The following RALYL variants were observed in gnomAD, a reference collection of about 807,000 sequenced individuals.
RALYL encodes RALY RNA binding protein like, also known as RNA-binding Raly-like protein.
In RALYL, 29 loss-of-function variants were observed where a neutral mutation model predicts 35.1. The ratio of observed to expected loss-of-function variants is 0.83; its 90% CI spans 0.61 to 1.13. The LOEUF (loss-of-function observed/expected upper bound fraction) is 1.13, where lower values mean the gene tolerates loss of function less well. RALYL is among the 50% of genes most tolerant of loss of function. The pLI is 0.00. For missense variants in RALYL, 359 were observed against 360.4 expected (o/e 1.00, Z 0.03); for synonymous variants, 120 against 127.6 (o/e 0.94, Z 0.40).
At chr8:84,514,090 TAAAA>T (rs57881021) in intron 1 of RALYL, among the ~76,000 whole-genome samples, 40 of 41,172 alleles carry the variant, frequency 9.7e-4, no homozygotes, top group South Asian at 5.5e-3. Context: ...AGATTTCATC[TAAAA>T]AAAAAAAAAA....
At chr8:84,202,889 T>C (rs1410369715) in intron 1 of RALYL, among the ~76,000 whole-genome samples, 2 of 152,200 alleles carry the variant, frequency 1.3e-5, no homozygotes, top group African/African-American at 4.8e-5. Flanking sequence ...TACATGTATA[T>C]TAGCTTTTGA....
At chr8:84,620,605 T>C in intron 2 of RALYL, among the ~76,000 whole-genome samples, 1 of 152,242 alleles carries the variant, frequency 6.6e-6, no homozygotes. Context: ...GTCAAAGTCA[T>C]TCTCCATCCA....
chr8:84,798,851 C>T (rs988337564), intron 3 of RALYL, among the ~76,000 whole-genome samples: 19 of 152,060 alleles, frequency 1.2e-4, no homozygotes, highest in African/African-American at 4.6e-4. Context: ...TGCGGGAAAG[C>T]AAAATGCCAA....
At chr8:84,629,855 T>A (rs534247011) in intron 2 of RALYL, among the ~76,000 whole-genome samples, 17 of 152,160 alleles carry the variant, frequency 1.1e-4, no homozygotes, top group African/African-American at 3.9e-4. Flanking sequence ...ACCAAAAGGA[T>A]ATATGGTTTT....
At chr8:84,248,418 C>T (rs1445658773) in intron 1 of RALYL, among the ~76,000 whole-genome samples, 1 of 152,096 alleles carries the variant, frequency 6.6e-6, no homozygotes, top group Non-Finnish European at 1.5e-5. Flanking sequence ...CTTGATGTGT[C>T]CCTCTTAGTA....
intron 1 of RALYL, among the ~76,000 whole-genome samples, chr8:84,215,819 A>G (rs1024454127): frequency 6.6e-5 from 10 of 152,220 alleles, no homozygotes; most frequent in African/African-American, 2.2e-4. Context: ...TTTAAAGAAC[A>G]TTAAATAAAT....
chr8:84,327,669 G>A (rs1846059424), intron 1 of RALYL, among the ~76,000 whole-genome samples: 1 of 150,874 alleles, frequency 6.6e-6, no homozygotes, highest in Non-Finnish European at 1.5e-5. Flanking sequence ...CTTTCTATCT[G>A]GCCCTTCACA....
At chr8:84,726,372 T>C (rs964633476) in intron 2 of RALYL, among the ~76,000 whole-genome samples, 1 of 149,202 alleles carries the variant, frequency 6.7e-6, no homozygotes, top group African/African-American at 2.4e-5. Context: ...AATGTCTTCC[T>C]TACAGATAAT....
chr8:84,786,864 C>T (rs1352489802), intron 3 of RALYL, among the ~76,000 whole-genome samples: 2 of 151,946 alleles, frequency 1.3e-5, no homozygotes, highest in Non-Finnish European at 2.9e-5. Flanking sequence ...TTGGCTTTTG[C>T]TGTGATTGCT....
At chr8:84,832,442 G>A (rs957639325) in intron 4 of RALYL, among the ~76,000 whole-genome samples, 1 of 152,068 alleles carries the variant, frequency 6.6e-6, no homozygotes, top group African/African-American at 2.4e-5. Context: ...ATCTAAAGCT[G>A]TAGATTTTTC....
chr8:84,456,897 A>G lies in RALYL; in HGVS notation c.-23-72402A>G, dbSNP rs565380491. Among the ~76,000 whole-genome samples, 9 of 152,092 alleles carry G rather than the reference A, an allele frequency of 5.9e-5. No individual in the cohort carries two copies. In the South Asian group the frequency reaches 1.9e-3, roughly 31 times the overall value. On this transcript the variant is annotated intron_variant, in intron 1 of 8. Transcript: ENST00000521268. Reference sequence around the variant, plus strand: ...CTATAGTACATTTTGTAGTGAATTGATGTAATTGCCCTCCTTGGATACTCA... The same window carrying G: ...CTATAGTACATTTTGTAGTGAATTGGTGTAATTGCCCTCCTTGGATACTCA...
intron 1 of RALYL, among the ~76,000 whole-genome samples, chr8:84,238,039 A>C (rs181937690): frequency 2.6e-5 from 4 of 152,210 alleles, no homozygotes; most frequent in Admixed American, 2.0e-4. Flanking sequence ...AAATTTAAAA[A>C]CATAAAATGT....
At chr8:84,380,733 G>C (rs995555329) in intron 1 of RALYL, among the ~76,000 whole-genome samples, 1 of 151,898 alleles carries the variant, frequency 6.6e-6, no homozygotes, top group Admixed American at 6.6e-5. Context: ...TGGGGGTCCA[G>C]TAAGAGTTAA....
chr8:84,452,485 A>G (rs981753455), intron 1 of RALYL, among the ~76,000 whole-genome samples: 1 of 151,910 alleles, frequency 6.6e-6, no homozygotes, highest in African/African-American at 2.4e-5. Context: ...TTTTGTCTAT[A>G]TTAGGAAACT....
At chr8:84,375,058 G>T (rs1236379735) in intron 1 of RALYL, among the ~76,000 whole-genome samples, 1 of 151,696 alleles carries the variant, frequency 6.6e-6, no homozygotes, top group Non-Finnish European at 1.5e-5. Context: ...CAGGTACATA[G>T]TAGGTGTATA....
intron 1 of RALYL, among the ~76,000 whole-genome samples, chr8:84,323,851 A>C (rs924696237): frequency 6.6e-6 from 1 of 152,132 alleles, no homozygotes; most frequent in Non-Finnish European, 1.5e-5. Context: ...GATGAGTGCT[A>C]CAATATGACT....
intron 2 of RALYL, among the ~76,000 whole-genome samples, chr8:84,584,405 C>T (rs1052178389): frequency 6.6e-6 from 1 of 152,134 alleles, no homozygotes; most frequent in South Asian, 2.1e-4. Context: ...GAGATAGAGA[C>T]CACCCTGGCC....
At chr8:84,662,802 C>A (rs2131676786) in intron 2 of RALYL, among the ~76,000 whole-genome samples, 1 of 152,100 alleles carries the variant, frequency 6.6e-6, no homozygotes, top group East Asian at 1.9e-4. Context: ...TATAAAAATG[C>A]ATATATAATT....
At chr8:84,425,556 G>C (rs1476047123) in intron 1 of RALYL, among the ~76,000 whole-genome samples, 1 of 152,120 alleles carries the variant, frequency 6.6e-6, no homozygotes, top group Non-Finnish European at 1.5e-5. Flanking sequence ...GTTCCTATTC[G>C]GCCATCTTGG....
Sources: gnomAD v4.1 joint callset for allele counts (sites outside exome capture counted in the v4.1 genomes callset) on GRCh38, gnomAD v4.1.1 for gene constraint, MANE v1.5 for transcripts, NCBI Gene and HGNC (gene_info 2026-07-23, HGNC 2026-07-21) for gene names.